The following MUC4 variants were observed in gnomAD, a reference collection of about 807,000 sequenced individuals.
MUC4 encodes the protein mucin-4.
Under a neutral mutation model 257.9 loss-of-function variants are expected in MUC4, and 202 were observed. That is an observed-to-expected ratio of 0.78 (90% CI 0.70 to 0.88). The LOEUF (loss-of-function observed/expected upper bound fraction) is 0.88. Among genes scored for constraint, MUC4 ranks in the 40% least tolerant of loss-of-function variants. MUC4 has a pLI of 0.00. For missense variants in MUC4, 5,976 were observed against 6,513.7 expected (o/e 0.92, Z 2.84); for synonymous variants, 2,351 against 2,757.1 (o/e 0.85, Z 4.62).
Position 195,791,326 on chromosome 3 carries a change from G to A in MUC4, c.254C>T (p.Thr85Ile). Residue 85 changes from threonine to isoleucine, a missense_variant, in exon 2 of 25, where the codon ACC becomes ATC. Physicochemically the swap from Thr to Ile is moderately conservative, Grantham distance 89. This residue lies in a region of MUC4 where 1,583 missense variants were observed against 1,257.4 expected (regional missense o/e 1.26). Transcript: ENST00000463781. ...QNHQTKSTET[T>I]SKAQTDTLTQ... The stretch of plus-strand genomic sequence containing the variant: ...GAGGGTGTCGGTTTGAGCTTTGCTG[G>A]TGGTCTCCGTGCTCTTAGTCTGGTG... The A allele has an allele frequency of 1.9e-6, 3 of 1,614,000 alleles. No individual in the cohort carries two copies. The highest frequency in any genetic ancestry group is 3.3e-4 in the Middle Eastern group (2 of 6,062).
rs759949037 is a variant in MUC4, at chr3:195,765,358, C to T, written c.13710G>A (p.Arg4570=). ...CCTGGTTCCAGCCCCAGCTGGGCCA[C>T]CGAGGCTGGCTCTTCAGCCACTGCA... The part of the protein sequence containing the change: ...ECLQWLKSQP[R]WPSWGWNQVS... The change falls in exon 9 of 25, where the codon CGG becomes CGA. Residue 4570 remains arginine (R), a synonymous_variant. Transcript: ENST00000463781. 6.2e-7 allele frequency: 1 copy of T among 1,613,696 alleles called. No individual in the cohort carries two copies. The highest frequency in any genetic ancestry group is 8.5e-7 in the Non-Finnish European group (1 of 1,180,030).
chr3:195,758,444 T>C (rs1718089109), intron 17 of MUC4, among the ~76,000 whole-genome samples: 1 of 152,196 alleles, frequency 6.6e-6, no homozygotes, highest in African/African-American at 2.4e-5. Flanking sequence ...AGCCTTCCTT[T>C]AATAGATATA....
At position 195,784,650 on chromosome 3, in the gene MUC4, A is replaced by C; in HGVS notation, c.6930T>G (p.Ala2310=). 4 of 1,377,232 alleles carry C rather than the reference A, an allele frequency of 2.9e-6. No individual in the cohort carries two copies. The highest frequency in any genetic ancestry group is 2.9e-6 in the Non-Finnish European group (3 of 1,027,816). The allele number at this position is 1,377,232 out of a possible 1,614,324, so 85.3% of individuals were successfully genotyped here. A position where few individuals can be genotyped will look rare whatever the true frequency, so the allele number is the denominator to read the frequency against. ...TGGCGTGACCTGTGGATGCTGAGGA[A>C]GCGTCGGTGACATGAAGAGGGGTGG... ...GHATPLHVTD[A]SSASTGHATP... Residue 2310 remains alanine, a synonymous_variant, in exon 2 of 25, where the codon GCT becomes GCG. Transcript: ENST00000463781.
intron 1 of MUC4, among the ~76,000 whole-genome samples, chr3:195,811,159 ATTTATT>A (rs1736684271): frequency 7.0e-6 from 1 of 143,622 alleles, no homozygotes; most frequent in Non-Finnish European, 1.5e-5. Context: ...TTATTTATTT[ATTTATT>A]TATTTATTTA....
chr3:195,751,026 A>C lies in MUC4; in HGVS notation c.15734T>G (p.Ile5245Ser), dbSNP rs201198170. 9 of 1,613,844 alleles carry C rather than the reference A, an allele frequency of 5.6e-6. No homozygotes were observed. Among genetic ancestry groups the C allele is most frequent in the Non-Finnish European group, 7.6e-6 (9 of 1,179,984 alleles). The part of the protein sequence containing the change: ...EFQYRPRGPV[I>S]DFLNNQLLAA... ...CAGCAGCTGGTTGTTCAGGAAGTCA[A>C]TGACCGGGCCCCGAGGGCGGTACTG... is the stretch of plus-strand genomic sequence containing the variant. The change falls in exon 23 of 25, where the codon ATT becomes AGT. Residue 5245 changes from isoleucine to serine, a missense_variant. By Grantham distance (142) the Ile-to-Ser change is moderately radical. Coordinates refer to ENST00000463781, the MANE Select transcript of MUC4 (RefSeq NM_018406.7).
Position 195,781,110 on chromosome 3 carries a change from A to G in MUC4, c.10470T>C (p.His3490=), listed in dbSNP as rs1455370073. 18 of 1,488,168 alleles carry G rather than the reference A, an allele frequency of 1.2e-5. No homozygotes were observed. The highest frequency in any genetic ancestry group is 1.5e-5 in the Non-Finnish European group (17 of 1,109,808). The allele number at this position is 1,488,168 out of a possible 1,614,324, so 92.2% of individuals were successfully genotyped here. A position where few individuals can be genotyped will look rare whatever the true frequency, so the allele number is the denominator to read the frequency against. The change falls in exon 2 of 25, where the codon CAT becomes CAC. Residue 3490 remains histidine (H), a synonymous_variant. Transcript: ENST00000463781. ...SASTGHTTPL[H]VTIPSSASTG... is the part of the protein sequence containing the mutation. ...TGGATGCTGAGGAAGGGATGGTGAC[A>G]TGAAGAGGGGTGGTGTGACCTGTAG...
At position 195,786,674 on chromosome 3, in the gene MUC4, T is replaced by C. The variant is rs878983277; in HGVS notation, c.4906A>G (p.Thr1636Ala). ...STGDTTPLPV[T>A]NASSLSTGHA... is the part of the protein sequence containing the mutation. ...CCTGTGGATAATGAGGAAGCATTGG[T>C]GACAGGAAGAGGGGTGGTGTCACCT... Residue 1636 changes from threonine to alanine, a missense_variant, in exon 2 of 25, where the codon ACC (threonine) becomes GCC (alanine). Thr to Ala is a moderately conservative substitution (Grantham distance 58). This residue lies in a region of MUC4 where 61 missense variants were observed against 100.2 expected (regional missense o/e 0.61). Coordinates refer to ENST00000463781, the MANE Select transcript of MUC4 (RefSeq NM_018406.7). The C allele has an allele frequency of 6.5e-7, 1 of 1,536,230 alleles. No individual in the cohort carries two copies. Among genetic ancestry groups the C allele is most frequent in the African/African-American group, 1.4e-5 (1 of 70,974 alleles).
rs115660429 is a variant in MUC4 at position 195,804,133 on chromosome 3, C to A, written c.82+7603G>T. On this transcript the variant is annotated intron_variant, in intron 1 of 24. Coordinates refer to ENST00000463781, the MANE Select transcript of MUC4 (RefSeq NM_018406.7). ...CATCCAGGGACGAGGAGGGCACTGG[C>A]GTTGGCACTGAGGTAGAGACGTTCC... 9.8e-3 allele frequency among the ~76,000 whole-genome samples: 1,500 copies of A among 152,332 alleles called. 10 individuals are homozygous for A. Among genetic ancestry groups the A allele is most frequent in the South Asian group, 0.024 (115 of 4,826 alleles).
Position 195,750,957 on chromosome 3 carries a change from C to T in MUC4, c.15803G>A (p.Ser5268Asn), listed in dbSNP as rs576978632. 29 of 1,614,094 alleles carry T rather than the reference C, an allele frequency of 1.8e-5. No homozygotes were observed. In the South Asian group the frequency reaches 3.0e-4, roughly 17 times the overall value. The change falls in exon 23 of 25, where the codon AGT becomes AAT. Residue 5268 changes from serine to asparagine, a missense_variant. Physicochemically the swap from Ser to Asn is conservative, Grantham distance 46. Around this residue, in one of 44 missense-constraint regions of MUC4, gnomAD observed 310 missense variants for 242.1 expected, o/e 1.28. Coordinates refer to ENST00000463781, the MANE Select transcript of MUC4 (RefSeq NM_018406.7). ...EAFLYHVPRR[S>N]EEPRNDVVFQ... ...GACCACGTCGTTCCTGGGCTCCTCACTCCTCCGTGGAACGTGGTATAAGAA... is the reference window on the plus strand; with the variant it reads ...GACCACGTCGTTCCTGGGCTCCTCATTCCTCCGTGGAACGTGGTATAAGAA...
chr3:195,811,856 C>T lies in MUC4; in HGVS notation c.-39G>A. Reference sequence around the variant, plus strand: ...GTCCCCCTGGCTCCCTGGGGAAGCTCCACGGCCCAGCAGCTGCAGTGTGAG... The same window carrying T: ...GTCCCCCTGGCTCCCTGGGGAAGCTTCACGGCCCAGCAGCTGCAGTGTGAG... On this transcript the variant is annotated 5_prime_UTR_variant, in exon 1 of 25. Coordinates refer to ENST00000463781, the MANE Select transcript of MUC4 (RefSeq NM_018406.7). 1 of 1,599,896 alleles carries T rather than the reference C, an allele frequency of 6.3e-7. No individual in the cohort carries two copies. The highest frequency in any genetic ancestry group is 8.6e-7 in the Non-Finnish European group (1 of 1,168,608).
Position 195,755,817 on chromosome 3 carries a change from G to A in MUC4, c.15168+1330C>T, listed in dbSNP as rs1285323040. Among the ~76,000 whole-genome samples, 4 of 151,902 alleles carry A rather than the reference G, an allele frequency of 2.6e-5. No individual in the cohort carries two copies. The highest frequency in any genetic ancestry group is 2.1e-4 in the South Asian group (1 of 4,798). On this transcript the variant is annotated intron_variant, in intron 18 of 24. Coordinates refer to ENST00000463781, the MANE Select transcript of MUC4 (RefSeq NM_018406.7). This position sits in a 1 kb window ranked among gnomAD's most constrained non-coding sequence, Gnocchi z 5.0. ...AACCGTCCCTACCTCTATCCCTTTCGAGTACCCATTCTCTGCTCATGCTTC... is the reference window on the plus strand; with the variant it reads ...AACCGTCCCTACCTCTATCCCTTTCAAGTACCCATTCTCTGCTCATGCTTC...
chr3:195,748,792 C>G (rs1310696614), intron 24 of MUC4, 110 bp downstream of exon 24: 3 of 1,355,950 alleles, frequency 2.2e-6, no homozygotes, highest in Non-Finnish European at 2.9e-6. Flanking sequence ...TCCTCTCTTC[C>G]CTGGTCTCTG....
rs188200501 is a variant in MUC4 at position 195,775,075 on chromosome 3, C to G, written c.12944-770G>C. 3.4e-4 allele frequency among the ~76,000 whole-genome samples: 51 copies of G among 152,124 alleles called. 1 individual carries two copies. Among genetic ancestry groups the G allele is most frequent in the African/African-American group, 1.2e-3 (48 of 41,456 alleles). On this transcript the variant is annotated intron_variant, in intron 3 of 24. Transcript: ENST00000463781. Reference sequence around the variant, plus strand: ...GGCCCTCGGGCTCCAGTTTGAGAAACCTTGTCCCAAATATTTCTCGCAGCT... The same window carrying G: ...GGCCCTCGGGCTCCAGTTTGAGAAAGCTTGTCCCAAATATTTCTCGCAGCT...
At chr3:195,764,921 A>G in intron 10 of MUC4, 76 bp downstream of exon 10, 3 of 1,568,244 alleles carry the variant, frequency 1.9e-6, no homozygotes, top group South Asian at 1.2e-5. Context: ...CTGGGAAGGA[A>G]TGAGGACGAG....
Position 195,749,075 on chromosome 3 carries a change from G to A in MUC4, c.15872-11C>T. ...GCGTGCTCACGTTCACTGTCGGGAA[G>A]GACACAGATTAACACAGAAAGCAAC... On this transcript the variant is annotated splice_polypyrimidine_tract_variant and intron_variant, in intron 23 of 24. Coordinates refer to ENST00000463781, the MANE Select transcript of MUC4 (RefSeq NM_018406.7). 1.2e-6 allele frequency: 2 copies of A among 1,608,996 alleles called. No individual in the cohort carries two copies. Among genetic ancestry groups the A allele is most frequent in the Non-Finnish European group, 1.7e-6 (2 of 1,177,886 alleles).
Position 195,781,266 on chromosome 3 carries a change from GGC to G in MUC4, c.10312_10313del (p.Ala3438HisfsTer31). 6.6e-7 allele frequency: 1 copy of G among 1,505,546 alleles called. No homozygotes were observed. Among genetic ancestry groups the G allele is most frequent in the South Asian group, 1.2e-5 (1 of 81,078 alleles). The allele number at this position is 1,505,546 out of a possible 1,614,324, so 93.3% of individuals were successfully genotyped here. ...TSTSSASTGHATPVPVTSTSS... is the reference protein window; with the variant it reads ...TSTSSASTGHXTPVPVTSTSS... ...AAGTGCTGGTGACAGGAACAGGGGT[GGC>G]GTGACCGGTGGATGCTGAGGAAGTG... On this transcript the variant is annotated frameshift_variant, in exon 2 of 25. Transcript: ENST00000463781. LOFTEE classifies it high-confidence loss of function.
At chr3:195,808,910 G>A (rs1475392808) in intron 1 of MUC4, among the ~76,000 whole-genome samples, 2 of 152,196 alleles carry the variant, frequency 1.3e-5, no homozygotes, top group African/African-American at 4.8e-5. Flanking sequence ...TCTCCGAGGA[G>A]GGGCCCATAA....
In MUC4 at chr3:195,788,863, C is replaced by A; in HGVS notation, c.2717G>T (p.Arg906Leu). The change falls in exon 2 of 25, where the codon CGG becomes CTG. Residue 906 changes from arginine to leucine, a missense_variant. By Grantham distance (102) the Arg-to-Leu change is moderately radical. Around this residue, in one of 44 missense-constraint regions of MUC4, gnomAD observed 1,583 missense variants for 1,257.4 expected, o/e 1.26. Transcript: ENST00000463781. ...ASPQETAAIS[R>L]MAQTQRTRTS... ...TCTTGTCCTCTGAGTCTGGGCCATCCGGGAAATGGCGGCTGTCTCCTGAGG... is the reference window on the plus strand; with the variant it reads ...TCTTGTCCTCTGAGTCTGGGCCATCAGGGAAATGGCGGCTGTCTCCTGAGG... 1 of 1,613,748 alleles carries A rather than the reference C, an allele frequency of 6.2e-7. No homozygotes were observed. The highest frequency in any genetic ancestry group is 1.1e-5 in the South Asian group (1 of 91,066).
chr3:195,807,244 G>A (rs760863949), intron 1 of MUC4, among the ~76,000 whole-genome samples: 2 of 152,296 alleles, frequency 1.3e-5, no homozygotes, highest in African/African-American at 4.8e-5. Context: ...CGAGGCGAGC[G>A]GATCACCTGA....
Sources: gnomAD v4.1 joint callset for allele counts (sites outside exome capture counted in the v4.1 genomes callset) on GRCh38, gnomAD v4.1.1 for gene constraint, gnomAD v4.1.1 regional missense constraint, Gnocchi (gnomAD v3.1) non-coding constraint, MANE v1.5 for transcripts, NCBI Gene and HGNC (gene_info 2026-07-23, HGNC 2026-07-21) for gene names.